Variants in DCP1A observed in about 807,000 individuals in gnomAD.
The protein encoded by DCP1A is mRNA-decapping enzyme 1A.
In DCP1A, 20 loss-of-function variants were observed where a neutral mutation model predicts 58.0. That is an observed-to-expected ratio of 0.34 (90% confidence interval 0.24 to 0.50). DCP1A has a LOEUF of 0.50. DCP1A is among the 20% of genes least tolerant of loss of function. The pLI is 0.98. For missense variants in DCP1A, 613 were observed against 712.2 expected, an observed-to-expected ratio of 0.86 and a Z score of 1.59; for synonymous variants, 285 against 275.1, an observed-to-expected ratio of 1.04 and a Z score of -0.36.
chr3:53,315,308 G>T (rs1223143049), intron 4 of DCP1A, among the ~76,000 whole-genome samples: 1 of 152,020 alleles, frequency 6.6e-6, no homozygotes, highest in Non-Finnish European at 1.5e-5. Flanking sequence ...GGGAGGCCAA[G>T]GTGGGTGGAT....
chr3:53,295,010 C>T (rs1366741710), intron 6 of DCP1A, among the ~76,000 whole-genome samples: 7 of 152,190 alleles, frequency 4.6e-5, no homozygotes, highest in East Asian at 1.9e-4. Flanking sequence ...AAAGTTCTTT[C>T]GGGGAGTAGG....
Position 53,346,660 on chromosome 3 carries a change from G to C in DCP1A, c.135+723C>G, listed in dbSNP as rs115392143. 9.7e-3 allele frequency among the ~76,000 whole-genome samples: 1,471 copies of C among 152,226 alleles called. 23 individuals are homozygous for C. Among genetic ancestry groups the C allele is most frequent in the African/African-American group, 0.033 (1,383 of 41,520 alleles). On this transcript the variant is annotated intron_variant, in intron 1 of 9. Transcript: ENST00000610213. ...AATGTGACTTTTCGGACCCTCCCCA[G>C]TGCACGAAAGCCAGAAAGTACTGAG...
chr3:53,324,608 C>CT (rs1708060622), intron 3 of DCP1A, among the ~76,000 whole-genome samples: 1 of 152,206 alleles, frequency 6.6e-6, no homozygotes, highest in South Asian at 2.1e-4. Context: ...TGATGGCACA[C>CT]TGTTTTACAA....
chr3:53,315,430 C>T (rs1313091447), intron 4 of DCP1A, among the ~76,000 whole-genome samples: 3 of 147,034 alleles, frequency 2.0e-5, no homozygotes, highest in Non-Finnish European at 3.0e-5. Context: ...CCCAGCTACT[C>T]GGGAGGCTGA....
intron 3 of DCP1A, among the ~76,000 whole-genome samples, chr3:53,322,573 G>A (rs1553690123): frequency 1.3e-5 from 2 of 151,926 alleles, no homozygotes; most frequent in African/African-American, 2.4e-5. Flanking sequence ...CACAGCAAGT[G>A]AACGGCTTCA....
chr3:53,336,707 T>TG lies in DCP1A; in HGVS notation c.304+5436dup, dbSNP rs147368875. Among the ~76,000 whole-genome samples the TG allele has an allele frequency of 9.5e-3, 1,448 of 152,258 alleles. 24 individuals are homozygous for TG. Among genetic ancestry groups the TG allele is most frequent in the African/African-American group, 0.033 (1,384 of 41,536 alleles). On this transcript the variant is annotated intron_variant, in intron 3 of 9. Coordinates refer to ENST00000610213, the MANE Select transcript of DCP1A (RefSeq NM_018403.7). ...ATGCCGTAGAGTAATCACCAGCTGA[T>TG]GATTAATTTTATGTTAATTTCTTGA...
At chr3:53,294,199 C>T (rs1707036072) in intron 6 of DCP1A, among the ~76,000 whole-genome samples, 1 of 152,180 alleles carries the variant, frequency 6.6e-6, no homozygotes, top group Admixed American at 6.5e-5. Context: ...AGGGGATGAG[C>T]CATCAGGCTT....
intron 5 of DCP1A, 115 bp downstream of exon 5, chr3:53,312,126 C>T: frequency 2.5e-6 from 3 of 1,211,148 alleles, no homozygotes; most frequent in Non-Finnish European, 3.4e-6. Flanking sequence ...TCTTTTTGAA[C>T]TTATATTTCT....
chr3:53,346,045 A>C (rs896292572), intron 1 of DCP1A, among the ~76,000 whole-genome samples: 15 of 152,198 alleles, frequency 9.9e-5, no homozygotes, highest in African/African-American at 3.1e-4. Flanking sequence ...GAACTCCACA[A>C]TGTAAAATTT....
At chr3:53,296,976 G>A (rs1465234376) in intron 6 of DCP1A, among the ~76,000 whole-genome samples, 4 of 152,104 alleles carry the variant, frequency 2.6e-5, no homozygotes, top group Admixed American at 2.6e-4. Flanking sequence ...TTTTTCCATA[G>A]TGCCTGAACC....
chr3:53,291,947 ATACTT>A, intron 7 of DCP1A, 117 bp downstream of exon 7: 2 of 1,090,354 alleles, frequency 1.8e-6, no homozygotes, highest in African/African-American at 1.6e-5. Context: ...AGCCTCTGAC[ATACTT>A]TAAAGGGACA....
chr3:53,289,891 C>T (rs1157005781), intron 8 of DCP1A, among the ~76,000 whole-genome samples: 10 of 152,150 alleles, frequency 6.6e-5, no homozygotes, highest in East Asian at 1.9e-4. Flanking sequence ...ACAGTTTCAA[C>T]GGTATGGTTT....
chr3:53,343,663 G>A (rs782646583), intron 2 of DCP1A, among the ~76,000 whole-genome samples: 4 of 152,188 alleles, frequency 2.6e-5, no homozygotes, highest in Non-Finnish European at 5.9e-5. Context: ...CCAGGCTGGA[G>A]TGCAGTGGCA....
intron 3 of DCP1A, among the ~76,000 whole-genome samples, chr3:53,335,299 C>T (rs1456557472): frequency 6.6e-6 from 1 of 152,040 alleles, no homozygotes; most frequent in African/African-American, 2.4e-5. Flanking sequence ...CGCCACCAGG[C>T]CCAGCTAATT....
At chr3:53,314,377 C>A (rs1370463859) in intron 4 of DCP1A, among the ~76,000 whole-genome samples, 10 of 152,210 alleles carry the variant, frequency 6.6e-5, no homozygotes, top group African/African-American at 2.4e-4. Context: ...CTTAATAAGA[C>A]TATTACTTCT....
chr3:53,335,806 T>G (rs2089103685), intron 3 of DCP1A, among the ~76,000 whole-genome samples: 1 of 152,194 alleles, frequency 6.6e-6, no homozygotes, highest in Non-Finnish European at 1.5e-5. Flanking sequence ...CTTCCTTTTT[T>G]TTAATAGCAT....
In DCP1A at chr3:53,288,350, C is replaced by A. The variant is rs577394517; in HGVS notation, c.1450-67G>T. The A allele has an allele frequency of 5.1e-5, 66 of 1,296,208 alleles. No individual in the cohort carries two copies. The African/African-American group carries it at 8.8e-4, about 17-fold the overall frequency. 80.3% of individuals were successfully genotyped at this position (1,296,208 alleles called of 1,614,324 possible). A position where few individuals can be genotyped will look rare whatever the true frequency, so the allele number is the denominator to read the frequency against. ...CCAGTAGCCAGGCCCAGAATAGGGA[C>A]CATGTGGAAACAGGCATAAGCAGCA... On this transcript the variant is annotated intron_variant, in intron 8 of 9. Transcript: ENST00000610213.
At position 53,287,409 on chromosome 3, in the gene DCP1A, C is replaced by A. The variant is rs1341795876; in HGVS notation, c.*171G>T. On this transcript the variant is annotated 3_prime_UTR_variant, in exon 10 of 10. Transcript: ENST00000610213. ...CTGCTGGTGATGCTTCACAGTGAAACCTCCATTATCACTGAGAATGTCACT... is the reference window on the plus strand; with the variant it reads ...CTGCTGGTGATGCTTCACAGTGAAAACTCCATTATCACTGAGAATGTCACT... 1.3e-5 allele frequency: 3 copies of A among 223,108 alleles called. No individual in the cohort carries two copies. The highest frequency in any genetic ancestry group is 2.6e-5 in the Non-Finnish European group (3 of 116,178). The allele number at this position is 223,108 out of a possible 1,614,324, so 13.8% of individuals were successfully genotyped here.
intron 6 of DCP1A, among the ~76,000 whole-genome samples, chr3:53,300,199 A>G (rs1368752996): frequency 6.6e-6 from 1 of 152,138 alleles, no homozygotes; most frequent in Non-Finnish European, 1.5e-5. Flanking sequence ...AAGTATATGA[A>G]AAATGACGGA....
Sources: allele counts gnomAD v4.1 joint callset (sites outside exome capture counted in the v4.1 genomes callset), GRCh38; gene constraint gnomAD v4.1.1; transcripts MANE v1.5; gene names NCBI Gene and HGNC (gene_info 2026-07-23, HGNC 2026-07-21).